ERC2: variants seen among roughly 807,000 people sequenced by gnomAD.
The protein encoded by ERC2 is ELKS/RAB6-interacting/CAST family member 2, also known as ERC protein 2.
Under a neutral mutation model 114.8 loss-of-function variants are expected in ERC2, and 42 were observed. The ratio of observed to expected loss-of-function variants is 0.37; its 90% confidence interval spans 0.29 to 0.47. The LOEUF (loss-of-function observed/expected upper bound fraction) is 0.47. Ranked by LOEUF, ERC2 falls within the 20% of genes least tolerant of loss-of-function variation. ERC2 has a pLI of 0.99. For synonymous variants in ERC2, 454 were observed against 425.5 expected, an observed-to-expected ratio of 1.07 and a Z score of -0.82; for missense variants, 939 against 1,150.7, an observed-to-expected ratio of 0.82 and a Z score of 2.66.
At chr3:55,944,516 A>G in intron 13 of ERC2, among the ~76,000 whole-genome samples, 1 of 152,222 alleles carries the variant, frequency 6.6e-6, no homozygotes, top group East Asian at 1.9e-4. Flanking sequence ...ATTTGGAAAA[A>G]CAAGTCATAC....
At chr3:56,167,449 G>C (rs1251827500) in intron 4 of ERC2, among the ~76,000 whole-genome samples, 1 of 152,152 alleles carries the variant, frequency 6.6e-6, no homozygotes, top group East Asian at 1.9e-4. Flanking sequence ...AAGAGTTTGG[G>C]GGGAAAGGGA....
At chr3:56,446,961 C>A (rs542865252) in intron 1 of ERC2, among the ~76,000 whole-genome samples, 58 of 152,246 alleles carry the variant, frequency 3.8e-4, no homozygotes, top group African/African-American at 1.3e-3. Context: ...CTGCTGCAAG[C>A]AACTGGAAAG....
chr3:56,025,799 C>T (rs1306775852), intron 7 of ERC2, among the ~76,000 whole-genome samples: 3 of 152,120 alleles, frequency 2.0e-5, no homozygotes, highest in Non-Finnish European at 4.4e-5. Context: ...CCAACAGGCA[C>T]ATAATATGGG....
At chr3:55,809,589 A>G (rs908250873) in intron 14 of ERC2, among the ~76,000 whole-genome samples, 1 of 152,300 alleles carries the variant, frequency 6.6e-6, no homozygotes, top group Middle Eastern at 3.4e-3. Context: ...TTACCTCCGT[A>G]AAACAATAAG....
chr3:56,010,674 TA>T, intron 8 of ERC2, 85 bp from the exon 9 acceptor site: 4 of 1,425,738 alleles, frequency 2.8e-6, no homozygotes, highest in Non-Finnish European at 3.8e-6. Flanking sequence ...TAAGAGGCAG[TA>T]CATCTAAGAA....
At chr3:56,405,090 A>T (rs949810292) in intron 2 of ERC2, among the ~76,000 whole-genome samples, 32 of 152,274 alleles carry the variant, frequency 2.1e-4, no homozygotes, top group African/African-American at 7.0e-4. Context: ...GTGTGGGGAG[A>T]AACTAGGCAG....
Position 56,435,124 on chromosome 3 carries a change from C to G in ERC2, c.-117G>C. The G allele has an allele frequency of 1.4e-6, 1 of 702,122 alleles. No individual in the cohort carries two copies. Among genetic ancestry groups the G allele is most frequent in the Admixed American group, 3.0e-5 (1 of 33,020 alleles). The allele number at this position is 702,122 out of a possible 1,614,324, so 43.5% of individuals were successfully genotyped here. ...ACCGCATTCTTTTCACAGTCCGTAC[C>G]AGAAAATAACTCCACTCAGAGATCT... On this transcript the variant is annotated 5_prime_UTR_variant, in exon 2 of 18. Transcript: ENST00000288221.
intron 12 of ERC2, among the ~76,000 whole-genome samples, chr3:55,975,949 T>C (rs1192511320): frequency 1.3e-5 from 2 of 152,184 alleles, no homozygotes; most frequent in Non-Finnish European, 2.9e-5. Context: ...AACTCCTCTC[T>C]CCTCTGAATG....
intron 7 of ERC2, among the ~76,000 whole-genome samples, chr3:56,055,077 T>C (rs952581510): frequency 3.3e-4 from 51 of 152,288 alleles, no homozygotes; most frequent in African/African-American, 1.2e-3. Context: ...CCTCTGTGTA[T>C]ACACTATCAA....
At chr3:55,832,235 A>C (rs1319750319) in intron 14 of ERC2, among the ~76,000 whole-genome samples, 1 of 152,226 alleles carries the variant, frequency 6.6e-6, no homozygotes, top group African/African-American at 2.4e-5. Context: ...TCCCTGTCTG[A>C]CAGCTTTGAA....
At chr3:55,626,202 T>C (rs1362119013) in intron 17 of ERC2, among the ~76,000 whole-genome samples, 1 of 152,178 alleles carries the variant, frequency 6.6e-6, no homozygotes, top group Non-Finnish European at 1.5e-5. Context: ...GAACTGTCCT[T>C]GATGGCCCTG....
chr3:55,736,237 C>T (rs2065626101), intron 14 of ERC2, among the ~76,000 whole-genome samples: 1 of 152,180 alleles, frequency 6.6e-6, no homozygotes, highest in Non-Finnish European at 1.5e-5. Flanking sequence ...TTTATTGATG[C>T]TTGCAACACA....
At chr3:56,093,611 A>T (rs1473290529) in intron 6 of ERC2, among the ~76,000 whole-genome samples, 1 of 152,190 alleles carries the variant, frequency 6.6e-6, no homozygotes, top group Non-Finnish European at 1.5e-5. Context: ...GGAAAACACT[A>T]TCCTTCTCCA....
At chr3:56,313,747 T>A (rs2056733268) in intron 2 of ERC2, among the ~76,000 whole-genome samples, 1 of 152,208 alleles carries the variant, frequency 6.6e-6, no homozygotes, top group Admixed American at 6.5e-5. Flanking sequence ...GGGCCAAGTG[T>A]CTTCCAAGCA....
At chr3:56,414,173 T>C (rs1176841877) in intron 2 of ERC2, among the ~76,000 whole-genome samples, 1 of 152,204 alleles carries the variant, frequency 6.6e-6, no homozygotes, top group Non-Finnish European at 1.5e-5. Context: ...TGCATCTGCC[T>C]TCTTAGCATA....
chr3:55,620,125 C>T (rs2059267781), intron 17 of ERC2, among the ~76,000 whole-genome samples: 1 of 152,166 alleles, frequency 6.6e-6, no homozygotes, highest in African/African-American at 2.4e-5. Flanking sequence ...GACTCCACTC[C>T]ATTGACCAGC....
At chr3:55,622,906 AC>A (rs1396134776) in intron 17 of ERC2, among the ~76,000 whole-genome samples, 1 of 152,150 alleles carries the variant, frequency 6.6e-6, no homozygotes, top group Non-Finnish European at 1.5e-5. Flanking sequence ...GCTGATTCAA[AC>A]CCAGAAAATG....
At chr3:55,795,166 T>C (rs1207144750) in intron 14 of ERC2, among the ~76,000 whole-genome samples, 1 of 152,200 alleles carries the variant, frequency 6.6e-6, no homozygotes, top group Non-Finnish European at 1.5e-5. Flanking sequence ...AAAATAATGT[T>C]CCACATTAAA....
intron 3 of ERC2, among the ~76,000 whole-genome samples, chr3:56,256,604 T>C (rs2052532409): frequency 6.6e-6 from 1 of 152,100 alleles, no homozygotes; most frequent in South Asian, 2.1e-4. Context: ...TGGACCATGA[T>C]ACGGTTTAGC....
Sources: gnomAD v4.1 joint callset for allele counts (sites outside exome capture counted in the v4.1 genomes callset) on GRCh38, gnomAD v4.1.1 for gene constraint, MANE v1.5 for transcripts, NCBI Gene and HGNC (gene_info 2026-07-23, HGNC 2026-07-21) for gene names.